GRIP1: variants seen among roughly 807,000 people sequenced by gnomAD.
GRIP1 encodes the protein glutamate receptor-interacting protein 1.
In GRIP1, 45 loss-of-function variants were observed where a neutral mutation model predicts 129.9. The observed-to-expected ratio is 0.35, with a 90% CI of 0.27 to 0.44. GRIP1 has a LOEUF of 0.44. Ranked by LOEUF, GRIP1 falls within the 20% of genes least tolerant of loss-of-function variation. GRIP1 has a pLI of 1.00. For missense variants in GRIP1, 1,196 were observed against 1,396.8 expected (o/e 0.86, Z 2.29); for synonymous variants, 530 against 520.8 (o/e 1.02, Z -0.24).
intron 1 of GRIP1, among the ~76,000 whole-genome samples, chr12:66,968,462 C>T (rs1285949331): frequency 3.9e-5 from 6 of 151,948 alleles, no homozygotes; most frequent in Admixed American, 1.3e-4. Flanking sequence ...TTCTTTCTCC[C>T]GTTTTAATTG....
At chr12:66,695,249 C>CA (rs1801137714) in intron 1 of GRIP1, among the ~76,000 whole-genome samples, 1 of 150,628 alleles carries the variant, frequency 6.6e-6, no homozygotes, top group Non-Finnish European at 1.5e-5. Flanking sequence ...TCCTCAACTG[C>CA]TGACCCAGCA....
At chr12:66,636,747 G>C (rs1411840714) in intron 1 of GRIP1, among the ~76,000 whole-genome samples, 8 of 137,284 alleles carry the variant, frequency 5.8e-5, no homozygotes, top group Non-Finnish European at 1.3e-4. Flanking sequence ...GTGTGTGTGT[G>C]TGTGTGTCTC....
intron 19 of GRIP1, among the ~76,000 whole-genome samples, chr12:66,382,516 A>G (rs2056157821): frequency 6.6e-6 from 1 of 152,210 alleles, no homozygotes; most frequent in African/African-American, 2.4e-5. Context: ...AAGAAAATGA[A>G]GAAGAATGAA....
At chr12:66,787,027 G>A (rs1158659825) in intron 1 of GRIP1, among the ~76,000 whole-genome samples, 2 of 152,134 alleles carry the variant, frequency 1.3e-5, no homozygotes, top group Non-Finnish European at 2.9e-5. Flanking sequence ...CAAGCCAGCT[G>A]CTATAAAGCT....
intron 1 of GRIP1, among the ~76,000 whole-genome samples, chr12:66,699,430 G>A (rs942623964): frequency 4.6e-5 from 7 of 152,174 alleles, no homozygotes; most frequent in East Asian, 1.9e-4. Context: ...TTATGGGTGC[G>A]GTTTCCCTCA....
chr12:67,019,257 A>G (rs2042831194), intron 1 of GRIP1, among the ~76,000 whole-genome samples: 1 of 152,174 alleles, frequency 6.6e-6, no homozygotes, highest in African/African-American at 2.4e-5. Context: ...CAGTCCAAGA[A>G]TCTGCTTAGC....
chr12:66,566,329 A>AG (rs1315081092), intron 2 of GRIP1, among the ~76,000 whole-genome samples: 9 of 152,082 alleles, frequency 5.9e-5, no homozygotes, highest in Non-Finnish European at 1.3e-4. Context: ...TTTAGCATGA[A>AG]GGTTGTTGAA....
intron 1 of GRIP1, among the ~76,000 whole-genome samples, chr12:66,720,489 C>T (rs184605886): frequency 7.2e-5 from 11 of 152,302 alleles, no homozygotes; most frequent in Non-Finnish European, 1.3e-4. Flanking sequence ...AAAGGTTTCT[C>T]TGTAGCATGC....
intron 23 of GRIP1, among the ~76,000 whole-genome samples, chr12:66,366,553 G>C (rs781141999): frequency 5.9e-5 from 9 of 152,164 alleles, no homozygotes; most frequent in Admixed American, 2.0e-4. Context: ...ACAAATAAAA[G>C]CAGATGCTGC....
At chr12:66,839,063 G>A (rs2039667863) in intron 1 of GRIP1, among the ~76,000 whole-genome samples, 3 of 152,024 alleles carry the variant, frequency 2.0e-5, no homozygotes, top group Admixed American at 2.0e-4. Context: ...GCAATACTGA[G>A]CATTATCATA....
At chr12:66,690,166 T>C (rs889144224) in intron 1 of GRIP1, among the ~76,000 whole-genome samples, 1 of 152,108 alleles carries the variant, frequency 6.6e-6, no homozygotes, top group Non-Finnish European at 1.5e-5. Flanking sequence ...GCAATCCTCC[T>C]GCCTTGGTCT....
intron 1 of GRIP1, among the ~76,000 whole-genome samples, chr12:67,066,936 AAACACCAGTT>A (rs2043640738): frequency 6.8e-6 from 1 of 148,000 alleles, no homozygotes; most frequent in Admixed American, 6.8e-5. Context: ...ACTGAAACAC[AAACACCAGTT>A]AGACAGGAAA....
At chr12:66,626,522 T>A (rs1024454794) in intron 1 of GRIP1, 1 of 152,168 alleles carries the variant, frequency 6.6e-6, no homozygotes. Context: ...TTCTTAAATG[T>A]CTTGAATATA....
chr12:66,537,144 G>A (rs1326805154), intron 4 of GRIP1, among the ~76,000 whole-genome samples: 2 of 152,132 alleles, frequency 1.3e-5, no homozygotes, highest in East Asian at 3.9e-4. Context: ...ATAGTGCCAG[G>A]CACTATTCTA....
At chr12:66,401,016 C>T (rs866158271) in intron 16 of GRIP1, among the ~76,000 whole-genome samples, 2 of 152,068 alleles carry the variant, frequency 1.3e-5, no homozygotes, top group South Asian at 4.1e-4. Context: ...AGCCTTGGAC[C>T]CACACAAGAA....
Position 66,529,924 on chromosome 12 carries a change from GGAAA to G in GRIP1, c.419-14_419-11del. On this transcript the variant is annotated splice_polypyrimidine_tract_variant and intron_variant, in intron 4 of 24. Coordinates refer to ENST00000359742, the MANE Select transcript of GRIP1 (RefSeq NM_001366722.1). The stretch of plus-strand genomic sequence containing the variant: ...CTTGATCCTTGCACAGCTGAATAAA[GGAAA>G]GAGAGAAGGAAATATAACTTGTAAG... 1 of 1,504,424 alleles carries G rather than the reference GGAAA, an allele frequency of 6.6e-7. No homozygotes were observed. The highest frequency in any genetic ancestry group is 1.1e-5 in the South Asian group (1 of 88,908). The allele number at this position is 1,504,424 out of a possible 1,614,324, so 93.2% of individuals were successfully genotyped here.
chr12:66,614,361 C>G (rs1565911231), intron 1 of GRIP1, among the ~76,000 whole-genome samples: 1 of 152,098 alleles, frequency 6.6e-6, no homozygotes, highest in Non-Finnish European at 1.5e-5. Context: ...GATTTCCCAA[C>G]AGCCCTCCCC....
rs992752870 is a variant in GRIP1, at chr12:66,927,235, T to C, written c.58+141815A>G. On this transcript the variant is annotated intron_variant, in intron 1 of 1. Transcript: ENST00000643019. ...TGTTATACATCCCTTTATTATTGCA[T>C]TGTCCTTTCAAGAATCATTAATGAT... Among the ~76,000 whole-genome samples the C allele has an allele frequency of 3.9e-5, 6 of 152,188 alleles. No individual in the cohort carries two copies. The East Asian group carries it at 7.7e-4, about 20-fold the overall frequency.
chr12:66,875,097 T>C (rs183303095), intron 1 of GRIP1, among the ~76,000 whole-genome samples: 1 of 152,092 alleles, frequency 6.6e-6, no homozygotes, highest in East Asian at 1.9e-4. Flanking sequence ...TTAATAAGCA[T>C]TTGTAAAATG....
Sources: allele counts gnomAD v4.1 joint callset (sites outside exome capture counted in the v4.1 genomes callset), GRCh38; gene constraint gnomAD v4.1.1; transcripts MANE v1.5; gene names NCBI Gene and HGNC (gene_info 2026-07-23, HGNC 2026-07-21).